SPTBN5: variants seen among roughly 807,000 people sequenced by gnomAD.
The protein encoded by SPTBN5 is spectrin beta, non-erythrocytic 5.
SPTBN5 carries 513 observed loss-of-function variants against 477.6 expected under a neutral mutation model. The observed-to-expected ratio is 1.07, with a 90% CI of 1.00 to 1.16. SPTBN5 has a LOEUF of 1.16. Among genes scored for constraint, SPTBN5 ranks in the 50% most tolerant of loss-of-function variants. The pLI is 0.00. For missense variants in SPTBN5, 5,062 were observed against 4,731.8 expected (o/e 1.07, Z -2.05); for synonymous variants, 2,169 against 2,011.7 (o/e 1.08, Z -2.09).
chr15:41,876,524 T>G (rs1028234349), intron 20 of SPTBN5, 24 bp downstream of exon 20: 1 of 1,565,706 alleles, frequency 6.4e-7, no homozygotes, highest in Non-Finnish European at 8.7e-7. Flanking sequence ...GGAGGCGTCA[T>G]GCGACCTGGG....
chr15:41,888,715 CCTCCCAAAG>C (rs2067227267), intron 4 of SPTBN5, among the ~76,000 whole-genome samples: 1 of 152,236 alleles, frequency 6.6e-6, no homozygotes, highest in East Asian at 1.9e-4. Context: ...CCTGCCTTGG[CCTCCCAAAG>C]TGCTGGAATT....
At chr15:41,853,536 AC>A (rs756981128) in intron 58 of SPTBN5, 45 bp downstream of exon 58, 1 of 1,542,550 alleles carries the variant, frequency 6.5e-7, no homozygotes, top group Non-Finnish European at 8.8e-7. Context: ...GGATACCCCC[AC>A]CCCACAGGGT....
rs577081705 is a variant in SPTBN5, at chr15:41,853,177, A to G, written c.10170+81T>C. 5.9e-4 allele frequency: 901 copies of G among 1,516,672 alleles called. 10 individuals are homozygous for G. The South Asian group carries it at 0.01, about 18-fold the overall frequency. The allele number at this position is 1,516,672 out of a possible 1,614,324, so 94.0% of individuals were successfully genotyped here. A position where few individuals can be genotyped will look rare whatever the true frequency, so the allele number is the denominator to read the frequency against. On this transcript the variant is annotated intron_variant, in intron 59 of 67. Transcript: ENST00000320955. The stretch of plus-strand genomic sequence containing the variant: ...CAGCCTTCCTTTCCTGCTGGTTTCC[A>G]TGCCTGTGAGGGGCCCTGAGGCCCT...
At chr15:41,854,300 A>C in intron 56 of SPTBN5, 95 bp from the exon 57 acceptor site, 1 of 1,438,386 alleles carries the variant, frequency 7.0e-7, no homozygotes, top group Non-Finnish European at 9.3e-7. Context: ...CTCCTTTTGA[A>C]CAAGGAGGAT....
rs1242456450 is a variant in SPTBN5 at position 41,866,074 on chromosome 15, C to G, written c.6786G>C (p.Gln2262His). Residue 2262 changes from glutamine to histidine, a missense_variant, in exon 38 of 68, where the codon CAG becomes CAC. Gln to His is a conservative substitution (Grantham distance 24). Transcript: ENST00000320955. ...TCCAGGCCTCTGCAAGGTCCACTCTCTGCAGGAACTCCAGGAAGTTCCGCC... is the reference window on the plus strand; with the variant it reads ...TCCAGGCCTCTGCAAGGTCCACTCTGTGCAGGAACTCCAGGAAGTTCCGCC... ...EDRRNFLEFL[Q>H]RVDLAEAWIQ... The G allele has an allele frequency of 6.4e-7, 1 of 1,556,638 alleles. No individual in the cohort carries two copies. The highest frequency in any genetic ancestry group is 1.9e-5 in the Admixed American group (1 of 51,938).
At chr15:41,878,082 C>T (rs1046540977) in intron 17 of SPTBN5, among the ~76,000 whole-genome samples, 1 of 152,174 alleles carries the variant, frequency 6.6e-6, no homozygotes, top group Non-Finnish European at 1.5e-5. Flanking sequence ...GGGGGCCAGC[C>T]GGGCCTGGGC....
At chr15:41,866,523 T>A (rs2066320773) in intron 36 of SPTBN5, 30 bp from the exon 37 acceptor site, 1 of 1,503,744 alleles carries the variant, frequency 6.7e-7, no homozygotes, top group African/African-American at 1.4e-5. Context: ...AATGCTGCAA[T>A]GTTCTGCAGC....
In SPTBN5 at chr15:41,874,824, T is replaced by TG; in HGVS notation, c.4502+17dup. On this transcript the variant is annotated intron_variant, in intron 23 of 67. Coordinates refer to ENST00000320955, the MANE Select transcript of SPTBN5 (RefSeq NM_016642.4). ...CATGGAGGAGTGACACACAGGTGGG[T>TG]GGGAGGACAGACCCCACCTCCGGAG... 6.3e-7 allele frequency: 1 copy of TG among 1,593,564 alleles called. No homozygotes were observed. The highest frequency in any genetic ancestry group is 1.1e-5 in the South Asian group (1 of 89,952).
intron 34 of SPTBN5, 37 bp downstream of exon 34, chr15:41,868,032 G>T: frequency 6.4e-7 from 1 of 1,568,618 alleles, no homozygotes; most frequent in Non-Finnish European, 8.6e-7. Flanking sequence ...GGAGGAGCAG[G>T]AGGCTGAGCG....
intron 67 of SPTBN5, 46 bp from the exon 68 acceptor site, chr15:41,848,674 A>T (rs1230410630): frequency 3.7e-6 from 6 of 1,611,200 alleles, no homozygotes; most frequent in Non-Finnish European, 2.5e-6. Flanking sequence ...GCCACCCCAG[A>T]ATCTTCTCCA....
rs1173134705 is a variant in SPTBN5 at position 41,882,868 on chromosome 15, G to A, written c.1892+128C>T. 78 of 1,372,870 alleles carry A rather than the reference G, an allele frequency of 5.7e-5. 1 individual carries two copies. The highest frequency in any genetic ancestry group is 7.4e-5 in the Non-Finnish European group (75 of 1,015,940). The allele number at this position is 1,372,870 out of a possible 1,614,324, so 85.0% of individuals were successfully genotyped here. ...CCCTGGATGACTCAACAGGTGAGAC[G>A]GAGGCTTTGGAAGTGAGGGTCAGTG... On this transcript the variant is annotated intron_variant, in intron 9 of 67. Coordinates refer to ENST00000320955, the MANE Select transcript of SPTBN5 (RefSeq NM_016642.4).
chr15:41,876,209 C>T lies in SPTBN5; in HGVS notation c.4027G>A (p.Gly1343Arg), dbSNP rs182334096. ...GTCTGCAGGATGTTTCTGCGCGCTCCGGAGGGCTCATGCGCAGCCATCAGC... is the reference window on the plus strand; with the variant it reads ...GTCTGCAGGATGTTTCTGCGCGCTCTGGAGGGCTCATGCGCAGCCATCAGC... Reference protein sequence around the residue: ...KGLMAAHEPSGARRNILQTLK... With the variant: ...KGLMAAHEPSRARRNILQTLK... The change falls in exon 21 of 68, where the codon GGA becomes AGA. Residue 1343 changes from glycine to arginine, a missense_variant. By Grantham distance (125) the Gly-to-Arg change is moderately radical. Transcript: ENST00000320955. The T allele has an allele frequency of 1.6e-5, 26 of 1,605,070 alleles. No individual in the cohort carries two copies. In the Admixed American group the frequency reaches 2.3e-4, roughly 14 times the overall value.
intron 66 of SPTBN5, chr15:41,850,192 G>A (rs1310873733): frequency 1.8e-6 from 1 of 540,700 alleles, no homozygotes; most frequent in African/African-American, 1.9e-5. Context: ...GAAAGGCTGA[G>A]CCTTTCTTAG....
At position 41,893,365 on chromosome 15, in the gene SPTBN5, T is replaced by C; in HGVS notation, c.133A>G (p.Ile45Val). The C allele has an allele frequency of 6.2e-7, 1 of 1,613,962 alleles. No individual in the cohort carries two copies. Among genetic ancestry groups the C allele is most frequent in the Non-Finnish European group, 8.5e-7 (1 of 1,179,888 alleles). Reference protein sequence around the residue: ...TMDSQYETGHIRKLQARHMQM... With the variant: ...TMDSQYETGHVRKLQARHMQM... Reference sequence around the variant, plus strand: ...ATGTGCCGGGCCTGTAGCTTGCGAATGTGGCCCGTCTCGTACTGAGAGTCC... The same window carrying C: ...ATGTGCCGGGCCTGTAGCTTGCGAACGTGGCCCGTCTCGTACTGAGAGTCC... The change falls in exon 2 of 68, where the codon ATT (isoleucine) becomes GTT (valine). Residue 45 changes from isoleucine to valine, a missense_variant. Transcript: ENST00000320955.
chr15:41,866,315 A>G (rs2066309183), intron 37 of SPTBN5, 29 bp downstream of exon 37: 3 of 1,572,584 alleles, frequency 1.9e-6, no homozygotes, highest in African/African-American at 1.4e-5. Flanking sequence ...ACTTTGGGGC[A>G]GGCATGGGGC....
At chr15:41,860,961 C>G (rs1022012267) in intron 46 of SPTBN5, among the ~76,000 whole-genome samples, 2 of 152,258 alleles carry the variant, frequency 1.3e-5, no homozygotes, top group African/African-American at 4.8e-5. Context: ...GATTAGGGAT[C>G]AAGAGCCAGA....
In SPTBN5 at chr15:41,849,887, C is replaced by T. The variant is rs377719846; in HGVS notation, c.10994G>A (p.Arg3665Gln). Residue 3665 changes from arginine to glutamine, a missense_variant, in exon 67 of 68, where the codon CGG becomes CAG. Physicochemically the swap from Arg to Gln is conservative, Grantham distance 43. Transcript: ENST00000320955. Reference sequence around the variant, plus strand: ...GTCCCACCTGAGTAGACATCCAGGCCGGGCATCCTTGGTCGTGCACTCATT... The same window carrying T: ...GTCCCACCTGAGTAGACATCCAGGCTGGGCATCCTTGGTCGTGCACTCATT... ...SLNECTTKDARPGCLLRSDP is the reference protein window; with the variant it reads ...SLNECTTKDAQPGCLLRSDP 72 of 1,584,354 alleles carry T rather than the reference C, an allele frequency of 4.5e-5. No homozygotes were observed. The highest frequency in any genetic ancestry group is 9.4e-5 in the African/African-American group (7 of 74,422).
At chr15:41,888,334 G>T (rs2067217053) in intron 4 of SPTBN5, among the ~76,000 whole-genome samples, 2 of 152,270 alleles carry the variant, frequency 1.3e-5, no homozygotes, top group Admixed American at 6.5e-5. Flanking sequence ...CTGCAGAGGC[G>T]CTGGCTTTGT....
In SPTBN5 at chr15:41,856,400, G is replaced by A. The variant is rs1471099689; in HGVS notation, c.9007C>T (p.Gln3003Ter). ...ACTCCCCTCACCTCAGTCAGAAACTGCTGGGCCTCCTGAGCCTGCTGCAGC... is the reference window on the plus strand; with the variant it reads ...ACTCCCCTCACCTCAGTCAGAAACTACTGGGCCTCCTGAGCCTGCTGCAGC... ...LLLQQAQEAQ[Q>*]FLTELLEAGS... The change falls in exon 53 of 68, where the codon CAG becomes TAG. Residue 3003 changes from glutamine (Q) to a stop codon, truncating the protein, a stop_gained. Coordinates refer to ENST00000320955, the MANE Select transcript of SPTBN5 (RefSeq NM_016642.4). LOFTEE classifies it high-confidence loss of function. 2 of 1,580,236 alleles carry A rather than the reference G, an allele frequency of 1.3e-6. No individual in the cohort carries two copies. The highest frequency in any genetic ancestry group is 4.5e-5 in the East Asian group (2 of 44,060).
Sources: gnomAD v4.1 joint callset for allele counts (sites outside exome capture counted in the v4.1 genomes callset) on GRCh38, gnomAD v4.1.1 for gene constraint, MANE v1.5 for transcripts, NCBI Gene and HGNC (gene_info 2026-07-23, HGNC 2026-07-21) for gene names.